Variants in BPIFB2 observed in about 807,000 individuals in gnomAD.
BPIFB2 encodes the protein BPI fold containing family B member 2, also known as BPI fold-containing family B member 2.
BPIFB2 carries 39 observed loss-of-function variants against 50.1 expected under a neutral mutation model. The observed-to-expected ratio is 0.78, with a 90% CI of 0.60 to 1.02. The LOEUF is 1.02. BPIFB2 is among the 50% of genes least tolerant of loss of function. The probability of loss-of-function intolerance (pLI) is 0.00; values close to 1 mark genes in which losing one functional copy is unlikely to be tolerated. For synonymous variants in BPIFB2, 280 were observed against 256.3 expected, an observed-to-expected ratio of 1.09 and a Z score of -0.88; for missense variants, 574 against 585.8, an observed-to-expected ratio of 0.98 and a Z score of 0.21.
At chr20:33,016,825 C>T (rs1600513670) in intron 6 of BPIFB2, among the ~76,000 whole-genome samples, 1 of 152,252 alleles carries the variant, frequency 6.6e-6, no homozygotes, top group Non-Finnish European at 1.5e-5. Flanking sequence ...GACCTATGCT[C>T]ACACTGCCAT....
intron 5 of BPIFB2, among the ~76,000 whole-genome samples, chr20:33,015,002 G>A (rs1978364161): frequency 6.6e-6 from 1 of 151,792 alleles, no homozygotes; most frequent in African/African-American, 2.4e-5. Context: ...GTTTAGAGGG[G>A]AAACGGAGGC....
chr20:33,013,782 C>T, intron 4 of BPIFB2, 28 bp from the exon 5 acceptor site: 1 of 1,605,744 alleles, frequency 6.2e-7, no homozygotes, highest in Non-Finnish European at 8.5e-7. Flanking sequence ...GGCGGTGCTG[C>T]TCGGGCTCAG....
At chr20:33,022,018 C>A (rs1299432253) in intron 15 of BPIFB2, among the ~76,000 whole-genome samples, 3 of 152,206 alleles carry the variant, frequency 2.0e-5, no homozygotes, top group African/African-American at 7.2e-5. Flanking sequence ...CACACTCGGA[C>A]AATTGGGGCC....
At chr20:33,014,901 A>G (rs1197686334) in intron 5 of BPIFB2, among the ~76,000 whole-genome samples, 1 of 152,188 alleles carries the variant, frequency 6.6e-6, no homozygotes, top group African/African-American at 2.4e-5. Flanking sequence ...CCTCCCCCCC[A>G]GGGAGCTGGT....
intron 6 of BPIFB2, among the ~76,000 whole-genome samples, chr20:33,016,225 G>A (rs1404096758): frequency 6.6e-6 from 1 of 152,126 alleles, no homozygotes; most frequent in East Asian, 1.9e-4. Context: ...GAGGGCGACT[G>A]CAACATGCCC....
intron 11 of BPIFB2, among the ~76,000 whole-genome samples, 185 bp from the exon 12 acceptor site, chr20:33,020,143 G>A (rs1458951222): frequency 2.6e-5 from 4 of 152,236 alleles, no homozygotes; most frequent in East Asian, 1.9e-4. Context: ...CGTTCCCAGG[G>A]CAGGGAGCTG....
At chr20:33,022,849 G>A (rs1384439475) in intron 15 of BPIFB2, among the ~76,000 whole-genome samples, 2 of 152,226 alleles carry the variant, frequency 1.3e-5, no homozygotes, top group Admixed American at 1.3e-4. Flanking sequence ...CACTGGGGCA[G>A]GAACTGGGTC....
In BPIFB2 at chr20:33,013,853, G is replaced by A; in HGVS notation, c.352G>A (p.Ala118Thr). Residue 118 changes from alanine (A) to threonine (T), a missense_variant, in exon 5 of 16, where the codon GCT becomes ACT. Transcript: ENST00000170150. Reference protein sequence around the residue: ...LELTLPVELLADTRVTQSSIR... With the variant: ...LELTLPVELLTDTRVTQSSIR... ...GCTGACGCTGCCTGTGGAACTGCTG[G>A]CTGACACCCGCGTGACCCAGAGCTC... The A allele has an allele frequency of 6.2e-7, 1 of 1,614,018 alleles. No individual in the cohort carries two copies. The highest frequency in any genetic ancestry group is 2.2e-5 in the East Asian group (1 of 44,878).
rs969012465 is a variant in BPIFB2, at chr20:33,009,994, G to A, written c.110-1030G>A. ...GCTGCAGATGGTTAGGTGGGAGAGG[G>A]GTGCTGGGAAACATGGAAACCACCG... On this transcript the variant is annotated intron_variant, in intron 2 of 15. Transcript: ENST00000170150. This position sits in a 1 kb window ranked among gnomAD's most constrained non-coding sequence, Gnocchi z 4.2. Among the ~76,000 whole-genome samples, 4 of 152,204 alleles carry A rather than the reference G, an allele frequency of 2.6e-5. No homozygotes were observed. The highest frequency in any genetic ancestry group is 4.8e-5 in the African/African-American group (2 of 41,438).
At chr20:33,021,383 C>T in intron 14 of BPIFB2, 39 bp downstream of exon 14, 1 of 1,578,230 alleles carries the variant, frequency 6.3e-7, no homozygotes, top group Non-Finnish European at 8.6e-7. Flanking sequence ...CCCCTCTGGC[C>T]CCCTCCATAT....
chr20:33,012,063 G>A (rs1990296504), intron 3 of BPIFB2, among the ~76,000 whole-genome samples: 1 of 152,202 alleles, frequency 6.6e-6, no homozygotes, highest in South Asian at 2.1e-4. Context: ...GGTGGATGGT[G>A]AAAAAAACAT....
At position 33,018,496 on chromosome 20, in the gene BPIFB2, G is replaced by A. The variant is rs77862425; in HGVS notation, c.670-141G>A. ...CCAGCCGGGAGCATGCCACACAGGC[G>A]AAAGTGTGAACTACACATGTGGCAT... On this transcript the variant is annotated intron_variant, in intron 8 of 15. Transcript: ENST00000170150. The A allele has an allele frequency of 6.0e-4, 779 of 1,299,482 alleles. 3 individuals carry two copies. The African/African-American group carries it at 7.9e-3, about 13-fold the overall frequency. 80.5% of individuals were successfully genotyped at this position (1,299,482 alleles called of 1,614,324 possible). A position where few individuals can be genotyped will look rare whatever the true frequency, so the allele number is the denominator to read the frequency against.
chr20:33,021,689 C>T (rs751601772), intron 14 of BPIFB2, 34 bp from the exon 15 acceptor site: 90 of 1,605,694 alleles, frequency 5.6e-5, no homozygotes, highest in Non-Finnish European at 7.6e-5. Context: ...AGGCTGGCTC[C>T]AGGGGACGAT....
intron 3 of BPIFB2, among the ~76,000 whole-genome samples, chr20:33,011,705 G>C (rs940534501): frequency 6.6e-6 from 1 of 152,206 alleles, no homozygotes; most frequent in African/African-American, 2.4e-5. Context: ...AAGCCCAGGC[G>C]CAGTGGTCCA....
rs894322981 is a variant in BPIFB2, at chr20:33,018,675, C to T, written c.708C>T (p.Pro236=). Residue 236 remains proline (P), a synonymous_variant, in exon 9 of 16, where the codon CCC becomes CCT. Transcript: ENST00000170150. ...TGCTGGGCAAGCCCATCATCCTGCC[C>T]ACGGATGCCACCCCTTTTGTGTTGC... ...LFLLGKPIIL[P]TDATPFVLPR... 3 of 1,613,882 alleles carry T rather than the reference C, an allele frequency of 1.9e-6. No individual in the cohort carries two copies. Among genetic ancestry groups the T allele is most frequent in the Admixed American group, 1.7e-5 (1 of 59,970 alleles).
In BPIFB2 at chr20:33,020,355, G is replaced by C; in HGVS notation, c.1108G>C (p.Val370Leu). The change falls in exon 12 of 16, where the codon GTG (valine) becomes CTG (leucine). Residue 370 changes from valine (V) to leucine (L), a missense_variant. Transcript: ENST00000170150. ...VVVNLRLQLS[V>L]SKVKLQGTTS... The stretch of plus-strand genomic sequence containing the variant: ...AGTGAACTTGAGACTCCAGCTCTCT[G>C]TGTCCAAGGTGAAGCTTCAGGGGAC... 1 of 1,614,158 alleles carries C rather than the reference G, an allele frequency of 6.2e-7. No individual in the cohort carries two copies. The highest frequency in any genetic ancestry group is 8.5e-7 in the Non-Finnish European group (1 of 1,180,006).
chr20:33,018,133 T>C, intron 7 of BPIFB2, 126 bp from the exon 8 acceptor site: 2 of 719,748 alleles, frequency 2.8e-6, no homozygotes, highest in Non-Finnish European at 4.5e-6. Context: ...CTGCCTCTTT[T>C]GTTTCGTGGC....
intron 11 of BPIFB2, 83 bp from the exon 12 acceptor site, chr20:33,020,245 T>C (rs1349058367): frequency 2.2e-6 from 3 of 1,356,252 alleles, no homozygotes; most frequent in African/African-American, 2.9e-5. Context: ...CCTGAATGAG[T>C]CGGGGGATGG....
intron 6 of BPIFB2, among the ~76,000 whole-genome samples, chr20:33,015,780 G>C (rs566122561): frequency 2.4e-4 from 36 of 151,980 alleles, no homozygotes; most frequent in Non-Finnish European, 4.9e-4. Context: ...ATGGAGTGGG[G>C]TTCATGGGCC....
Sources: gnomAD v4.1 joint callset for allele counts (sites outside exome capture counted in the v4.1 genomes callset) on GRCh38, gnomAD v4.1.1 for gene constraint, Gnocchi (gnomAD v3.1) non-coding constraint, MANE v1.5 for transcripts, NCBI Gene and HGNC (gene_info 2026-07-23, HGNC 2026-07-21) for gene names.